GALNTL5: variants seen among roughly 807,000 people sequenced by gnomAD.
The protein encoded by GALNTL5 is inactive polypeptide N-acetylgalactosaminyltransferase-like protein 5.
GALNTL5 carries 44 observed loss-of-function variants against 51.0 expected under a neutral mutation model. The ratio of observed to expected loss-of-function variants is 0.86; its 90% CI spans 0.68 to 1.11. GALNTL5 has a LOEUF of 1.11. Ranked by LOEUF, GALNTL5 falls within the 50% of genes least tolerant of loss-of-function variation. The pLI is 0.00. For missense variants in GALNTL5, 528 were observed against 531.8 expected (o/e 0.99, Z 0.07); for synonymous variants, 192 against 182.8 (o/e 1.05, Z -0.41).
At chr7:151,995,347 A>ATTTTTTTTTTTTTTTTTTTTTTTTTTT (rs1563017632) in intron 5 of GALNTL5, 1 of 90,980 alleles carries the variant, frequency 1.1e-5, no homozygotes, top group African/African-American at 4.0e-5. Flanking sequence ...AGTTGGTATG[A>ATTTTTTTTTTTTTTTTTTTTTTTTTTT]ATTTTTTTTT....
chr7:152,018,338 T>C lies in GALNTL5; in HGVS notation c.1177-1308T>C, dbSNP rs2081845275. ...AATGTATACGAAAGTGCCTGTCTCC[T>C]CATATTGGTTATAGCTGAACTGTTT... On this transcript the variant is annotated intron_variant, in intron 8 of 8. Coordinates refer to ENST00000392800, the MANE Select transcript of GALNTL5 (RefSeq NM_145292.4). Among the ~76,000 whole-genome samples, 2 of 152,228 alleles carry C rather than the reference T, an allele frequency of 1.3e-5. 1 individual carries two copies. Among genetic ancestry groups the C allele is most frequent in the South Asian group, 4.1e-4 (2 of 4,834 alleles).
At chr7:151,979,638 G>A (rs1399764395) in intron 3 of GALNTL5, among the ~76,000 whole-genome samples, 1 of 151,828 alleles carries the variant, frequency 6.6e-6, no homozygotes, top group African/African-American at 2.4e-5. Context: ...TGGATTTTTA[G>A]TAGAAATGGG....
chr7:151,975,358 A>T (rs916702954), intron 3 of GALNTL5, among the ~76,000 whole-genome samples: 1 of 152,078 alleles, frequency 6.6e-6, no homozygotes, highest in Non-Finnish European at 1.5e-5. Flanking sequence ...GTTGGCATAT[A>T]ATTGTTCATA....
At position 152,016,880 on chromosome 7, in the gene GALNTL5, C is replaced by CA. The variant is rs891195127; in HGVS notation, c.1176+2095dup. Reference sequence around the variant, plus strand: ...TGAAACCTCATCTCTACTAAAAATACAAAAAAAATTAGCCGGGCATGGTGG... The same window carrying CA: ...TGAAACCTCATCTCTACTAAAAATACAAAAAAAAATTAGCCGGGCATGGTGG... On this transcript the variant is annotated intron_variant, in intron 8 of 8. Coordinates refer to ENST00000392800, the MANE Select transcript of GALNTL5 (RefSeq NM_145292.4). Among the ~76,000 whole-genome samples, 20 of 150,540 alleles carry CA rather than the reference C, an allele frequency of 1.3e-4. No individual in the cohort carries two copies. The East Asian group carries it at 3.5e-3, about 27-fold the overall frequency.
At chr7:151,968,573 C>T (rs186403208) in intron 2 of GALNTL5, among the ~76,000 whole-genome samples, 2 of 152,320 alleles carry the variant, frequency 1.3e-5, no homozygotes, top group Admixed American at 1.3e-4. Context: ...TTCTGGCTCT[C>T]AGTCTTACCA....
intron 7 of GALNTL5, 106 bp from the exon 8 acceptor site, chr7:152,014,538 G>A (rs531659171): frequency 8.9e-7 from 1 of 1,127,040 alleles, no homozygotes; most frequent in South Asian, 1.6e-5. Context: ...AAAATGCTGG[G>A]ATTACAGGCA....
At chr7:151,985,183 A>G (rs1034321038) in intron 4 of GALNTL5, among the ~76,000 whole-genome samples, 5 of 152,202 alleles carry the variant, frequency 3.3e-5, no homozygotes, top group Non-Finnish European at 7.4e-5. Flanking sequence ...TGCAAATACC[A>G]TCATACTGAG....
At chr7:151,984,500 G>C (rs890361823) in intron 4 of GALNTL5, among the ~76,000 whole-genome samples, 2 of 152,194 alleles carry the variant, frequency 1.3e-5, no homozygotes, top group African/African-American at 4.8e-5. Context: ...AGTGACTCTA[G>C]GTGACTCCTG....
intron 5 of GALNTL5, among the ~76,000 whole-genome samples, chr7:152,001,817 T>C (rs2081584275): frequency 6.6e-6 from 1 of 152,192 alleles, no homozygotes; most frequent in Non-Finnish European, 1.5e-5. Context: ...ATGGGGGTTA[T>C]TGCCATATTA....
At chr7:151,979,106 C>CCTTTTTTTTTTTT (rs1554405638) in intron 3 of GALNTL5, among the ~76,000 whole-genome samples, 1 of 71,164 alleles carries the variant, frequency 1.4e-5, no homozygotes. Context: ...TACTTTTACT[C>CCTTTTTTTTTTTT]TTTTTTTTTT....
rs147646500 is a variant in GALNTL5 at position 152,019,859 on chromosome 7, T to G, written c.*58T>G. The G allele has an allele frequency of 7.0e-7, 1 of 1,420,656 alleles. No individual in the cohort carries two copies. The highest frequency in any genetic ancestry group is 1.4e-5 in the African/African-American group (1 of 70,186). The allele number at this position is 1,420,656 out of a possible 1,614,324, so 88.0% of individuals were successfully genotyped here. ...TTAAAAGTCTCCTAGTCATTCAACATAGTGTCACAAGAGTGTAAGTTTGGA... is the reference window on the plus strand; with the variant it reads ...TTAAAAGTCTCCTAGTCATTCAACAGAGTGTCACAAGAGTGTAAGTTTGGA... On this transcript the variant is annotated 3_prime_UTR_variant, in exon 9 of 9. Transcript: ENST00000392800.
At chr7:152,001,060 C>G (rs1237689086) in intron 5 of GALNTL5, among the ~76,000 whole-genome samples, 1 of 142,618 alleles carries the variant, frequency 7.0e-6, no homozygotes, top group Non-Finnish European at 1.6e-5. Context: ...CACCCACCAC[C>G]ACACCTGGCT....
chr7:151,967,833 T>A (rs1209477339), intron 2 of GALNTL5, among the ~76,000 whole-genome samples: 2 of 152,198 alleles, frequency 1.3e-5, no homozygotes, highest in African/African-American at 4.8e-5. Flanking sequence ...GATGGGTGTC[T>A]TTCTCATGTA....
chr7:151,968,547 C>T (rs781210288), intron 2 of GALNTL5, among the ~76,000 whole-genome samples: 4 of 152,152 alleles, frequency 2.6e-5, no homozygotes, highest in Non-Finnish European at 5.9e-5. Context: ...CTCATTTCCC[C>T]GAGGTCACAC....
Position 152,007,887 on chromosome 7 carries a change from A to G in GALNTL5, c.969A>G (p.Gly323=), listed in dbSNP as rs1320077275. The part of the protein sequence containing the change: ...AIRRHYFNEI[G]QYDKDMDFWG... ...GTCGGCATTATTTTAATGAAATTGG[A>G]CAGTATGACAAGGATATGGATTTTT... The change falls in exon 7 of 9, where the codon GGA becomes GGG. Residue 323 remains glycine, a synonymous_variant. Coordinates refer to ENST00000392800, the MANE Select transcript of GALNTL5 (RefSeq NM_145292.4). 10 of 1,613,122 alleles carry G rather than the reference A, an allele frequency of 6.2e-6. No homozygotes were observed. The South Asian group carries it at 9.9e-5, about 16-fold the overall frequency.
intron 7 of GALNTL5, among the ~76,000 whole-genome samples, chr7:152,011,465 C>A (rs2081737523): frequency 6.6e-6 from 1 of 152,256 alleles, no homozygotes; most frequent in Non-Finnish European, 1.5e-5. Flanking sequence ...CCGACACCTG[C>A]AGTCCATCCT....
intron 7 of GALNTL5, among the ~76,000 whole-genome samples, chr7:152,009,999 T>C (rs2081708202): frequency 6.6e-6 from 1 of 152,246 alleles, no homozygotes; most frequent in African/African-American, 2.4e-5. Context: ...ATGCTGAGCA[T>C]TGAGAAGAAG....
chr7:151,966,950 T>G (rs1051747512), intron 1 of GALNTL5, among the ~76,000 whole-genome samples: 1 of 152,208 alleles, frequency 6.6e-6, no homozygotes, highest in Non-Finnish European at 1.5e-5. Flanking sequence ...ATTTCCTATA[T>G]GTACACGAGT....
intron 5 of GALNTL5, among the ~76,000 whole-genome samples, chr7:151,993,775 C>T (rs1458090972): frequency 6.6e-6 from 1 of 151,928 alleles, no homozygotes; most frequent in Non-Finnish European, 1.5e-5. Flanking sequence ...GGAGTCACCA[C>T]ACCTGGCCTA....
Sources: allele counts gnomAD v4.1 joint callset (sites outside exome capture counted in the v4.1 genomes callset), GRCh38; gene constraint gnomAD v4.1.1; transcripts MANE v1.5; gene names NCBI Gene and HGNC (gene_info 2026-07-23, HGNC 2026-07-21).